Variants in FAM178B observed in about 807,000 individuals in gnomAD.
FAM178B encodes protein FAM178B.
Under a neutral mutation model 91.7 loss-of-function variants are expected in FAM178B, and 82 were observed. That is an observed-to-expected ratio of 0.89 (90% CI 0.75 to 1.07). The LOEUF (loss-of-function observed/expected upper bound fraction) is 1.07. FAM178B is among the 50% of genes least tolerant of loss of function. FAM178B has a pLI of 0.00. For missense variants in FAM178B, 769 were observed against 846.7 expected (o/e 0.91, Z 1.14); for synonymous variants, 368 against 359.4 (o/e 1.02, Z -0.27).
Position 96,930,286 on chromosome 2 carries a change from G to T in FAM178B, c.1079-966C>A, listed in dbSNP as rs190086016. The stretch of plus-strand genomic sequence containing the variant: ...AACAGGGAGAACCTTACATACTCAG[G>T]TACTCAGGGCCTTTTTTTCTGTCAG... On this transcript the variant is annotated intron_variant, in intron 8 of 16. Coordinates refer to ENST00000490605, the MANE Select transcript of FAM178B (RefSeq NM_001122646.3). Among the ~76,000 whole-genome samples the T allele has an allele frequency of 3.1e-4, 45 of 146,890 alleles. No individual in the cohort carries two copies. In the East Asian group the frequency reaches 8.2e-3, roughly 27 times the overall value.
chr2:96,920,056 TTGA>T, intron 12 of FAM178B, among the ~76,000 whole-genome samples: 1 of 151,092 alleles, frequency 6.6e-6, no homozygotes, highest in Non-Finnish European at 1.5e-5. Flanking sequence ...TCTGCCAAAG[TTGA>T]GGGGTAGGAA....
intron 8 of FAM178B, among the ~76,000 whole-genome samples, chr2:96,940,673 C>T (rs1342937887): frequency 3.9e-5 from 6 of 152,008 alleles, no homozygotes; most frequent in Non-Finnish European, 8.8e-5. Flanking sequence ...GAGGAGAGAT[C>T]AATCATGAAG....
rs147462831 is a variant in FAM178B at position 96,877,638 on chromosome 2, G to A, written c.2007+252C>T. The stretch of plus-strand genomic sequence containing the variant: ...GGCTGGTCTCCTGACCTTGTGATCC[G>A]CCCGCCTCAGTCTCCCAAAGTGCTG... On this transcript the variant is annotated intron_variant, in intron 16 of 16. Transcript: ENST00000490605. 1,572 of 470,290 alleles carry A rather than the reference G, an allele frequency of 3.3e-3. 11 individuals carry two copies. Among genetic ancestry groups the A allele is most frequent in the African/African-American group, 0.023 (1,184 of 51,556 alleles). The allele number at this position is 470,290 out of a possible 1,614,324, so 29.1% of individuals were successfully genotyped here.
chr2:96,956,302 G>C (rs1281337269), intron 6 of FAM178B, among the ~76,000 whole-genome samples: 11 of 152,222 alleles, frequency 7.2e-5, no homozygotes, highest in Non-Finnish European at 1.5e-5. Flanking sequence ...GTGGTGGCAG[G>C]GGACTGACCC....
chr2:96,906,142 C>A (rs1377077020), intron 12 of FAM178B, among the ~76,000 whole-genome samples: 1 of 150,412 alleles, frequency 6.6e-6, no homozygotes, highest in Admixed American at 6.6e-5. Context: ...CCTCAGCCTC[C>A]CAAAGTGCTG....
intron 5 of FAM178B, among the ~76,000 whole-genome samples, chr2:96,963,183 G>A (rs1011929853): frequency 3.9e-5 from 6 of 152,178 alleles, no homozygotes; most frequent in African/African-American, 7.2e-5. Context: ...CATGACTTCC[G>A]GAATGCTGGA....
chr2:96,891,057 AT>A (rs1402595365), intron 14 of FAM178B, among the ~76,000 whole-genome samples: 1 of 152,220 alleles, frequency 6.6e-6, no homozygotes, highest in African/African-American at 2.4e-5. Context: ...AGAAGCTCTT[AT>A]AGTCCATATA....
At chr2:96,878,668 C>A (rs184151874) in intron 14 of FAM178B, among the ~76,000 whole-genome samples, 175 bp from the exon 15 acceptor site, 6 of 152,330 alleles carry the variant, frequency 3.9e-5, no homozygotes, top group African/African-American at 1.4e-4. Flanking sequence ...CCTGGGTGAG[C>A]CAGGCTCTGG....
At chr2:96,976,854 T>TAAATA (rs1023259520) in intron 1 of FAM178B, among the ~76,000 whole-genome samples, 2 of 147,308 alleles carry the variant, frequency 1.4e-5, no homozygotes, top group Admixed American at 6.8e-5. Flanking sequence ...TTTCAAAAAA[T>TAAATA]AAATAAAATA....
chr2:96,899,630 C>T (rs2080888531), intron 13 of FAM178B, among the ~76,000 whole-genome samples: 1 of 151,594 alleles, frequency 6.6e-6, no homozygotes, highest in Admixed American at 6.6e-5. Flanking sequence ...GTGGAGCCGT[C>T]ATGGCTCACT....
chr2:96,978,372 C>G (rs1349708096), intron 1 of FAM178B, among the ~76,000 whole-genome samples: 2 of 152,118 alleles, frequency 1.3e-5, no homozygotes, highest in African/African-American at 4.8e-5. Flanking sequence ...GAGGTTTCGG[C>G]TTTTAGTGTG....
chr2:96,981,633 C>T (rs1224031629), intron 1 of FAM178B, among the ~76,000 whole-genome samples: 11 of 146,846 alleles, frequency 7.5e-5, no homozygotes, highest in South Asian at 4.5e-4. Context: ...CCCAGCTACT[C>T]GGGAGGCTGA....
At chr2:96,933,792 C>T (rs1285093977) in intron 8 of FAM178B, among the ~76,000 whole-genome samples, 1 of 152,180 alleles carries the variant, frequency 6.6e-6, no homozygotes, top group African/African-American at 2.4e-5. Context: ...GAGGGGAGGT[C>T]CCCATCAGCC....
intron 1 of FAM178B, among the ~76,000 whole-genome samples, chr2:96,982,631 T>C (rs1335114172): frequency 6.6e-6 from 1 of 151,924 alleles, no homozygotes; most frequent in Non-Finnish European, 1.5e-5. Context: ...TGCAATGTCA[T>C]GATCACAGCT....
intron 9 of FAM178B, among the ~76,000 whole-genome samples, chr2:96,927,152 G>A (rs970706394): frequency 6.6e-6 from 1 of 152,178 alleles, no homozygotes; most frequent in Non-Finnish European, 1.5e-5. Flanking sequence ...CCTCCTTGAT[G>A]CTTCCCGAAT....
At chr2:96,885,117 G>T (rs1157617245) in intron 14 of FAM178B, among the ~76,000 whole-genome samples, 1 of 152,246 alleles carries the variant, frequency 6.6e-6, no homozygotes, top group Non-Finnish European at 1.5e-5. Context: ...CCCAAACACG[G>T]TCCCTAAACA....
At chr2:96,955,108 G>C (rs1278938178) in intron 6 of FAM178B, among the ~76,000 whole-genome samples, 1 of 152,198 alleles carries the variant, frequency 6.6e-6, no homozygotes, top group Non-Finnish European at 1.5e-5. Context: ...GCTCATGCCT[G>C]TAATCCCAGC....
chr2:96,898,655 T>A (rs919935071), intron 13 of FAM178B, among the ~76,000 whole-genome samples: 1 of 152,022 alleles, frequency 6.6e-6, no homozygotes, highest in Non-Finnish European at 1.5e-5. Flanking sequence ...GCCTCAAAAA[T>A]AAAATAATCC....
At chr2:96,932,937 C>T (rs1421088887) in intron 8 of FAM178B, among the ~76,000 whole-genome samples, 26 of 81,796 alleles carry the variant, frequency 3.2e-4, no homozygotes, top group African/African-American at 6.8e-4. Flanking sequence ...GAGACTCCGT[C>T]TCACAAAAAA....
Sources: gnomAD v4.1 joint callset for allele counts (sites outside exome capture counted in the v4.1 genomes callset) on GRCh38, gnomAD v4.1.1 for gene constraint, MANE v1.5 for transcripts, NCBI Gene and HGNC (gene_info 2026-07-23, HGNC 2026-07-21) for gene names.